The following PDE4D variants were observed in gnomAD, a reference collection of about 807,000 sequenced individuals.
PDE4D encodes phosphodiesterase 4D.
In PDE4D, 24 loss-of-function variants were observed where a neutral mutation model predicts 87.4. That is an observed-to-expected ratio of 0.27 (90% CI 0.20 to 0.39). The LOEUF (loss-of-function observed/expected upper bound fraction) is 0.39. Among genes scored for constraint, PDE4D ranks in the 10% least tolerant of loss-of-function variants. The pLI is 1.00. For missense variants in PDE4D, 714 were observed against 1,041.0 expected (o/e 0.69, Z 4.32); for synonymous variants, 384 against 383.2 (o/e 1.00, Z -0.02).
intron 1 of PDE4D, among the ~76,000 whole-genome samples, chr5:60,434,915 T>TA (rs1343711975): frequency 6.6e-6 from 1 of 152,104 alleles, no homozygotes; most frequent in East Asian, 1.9e-4. Flanking sequence ...AAAAGGGAGT[T>TA]AGAGATTAAC....
chr5:59,680,752 C>A (rs1014625141), intron 1 of PDE4D, among the ~76,000 whole-genome samples: 1 of 151,948 alleles, frequency 6.6e-6, no homozygotes, highest in Non-Finnish European at 1.5e-5. Flanking sequence ...AACCACATTC[C>A]ACAGGTAAGA....
At chr5:59,069,352 G>C (rs1033044049) in intron 5 of PDE4D, among the ~76,000 whole-genome samples, 1 of 152,134 alleles carries the variant, frequency 6.6e-6, no homozygotes, top group African/African-American at 2.4e-5. Context: ...CCATGTGAAA[G>C]CATCTCCAGC....
At chr5:59,820,668 T>C (rs530359786) in intron 1 of PDE4D, among the ~76,000 whole-genome samples, 1 of 152,310 alleles carries the variant, frequency 6.6e-6, no homozygotes, top group East Asian at 1.9e-4. Flanking sequence ...AAAGTCTTAA[T>C]GGGACATTGC....
intron 1 of PDE4D, among the ~76,000 whole-genome samples, chr5:59,698,607 A>AT (rs918026261): frequency 2.0e-4 from 31 of 152,226 alleles, no homozygotes; most frequent in Non-Finnish European, 3.8e-4. Context: ...GCTTAGAGAT[A>AT]TTTTTTCTAT....
intron 1 of PDE4D, among the ~76,000 whole-genome samples, chr5:59,613,846 A>T (rs1231549050): frequency 6.6e-6 from 1 of 152,230 alleles, no homozygotes; most frequent in African/African-American, 2.4e-5. Context: ...AACTTATGAA[A>T]TCTTCAAGAT....
rs969002581 is a variant in PDE4D at position 59,551,081 on chromosome 5, C to T, written c.456-335113G>A. Reference sequence around the variant, plus strand: ...ATCCCACCCTTTTCATTTGCCTTTACGTTTTCTTTATGGTGTTTTTGATGT... The same window carrying T: ...ATCCCACCCTTTTCATTTGCCTTTATGTTTTCTTTATGGTGTTTTTGATGT... On this transcript the variant is annotated intron_variant, in intron 1 of 14. Transcript: ENST00000340635. Among the ~76,000 whole-genome samples the T allele has an allele frequency of 4.6e-5, 7 of 152,110 alleles. 1 individual carries two copies. The highest frequency in any genetic ancestry group is 1.4e-4 in the African/African-American group (6 of 41,538).
At chr5:58,990,013 G>T in intron 9 of PDE4D, 94 bp from the exon 10 acceptor site, 1 of 739,304 alleles carries the variant, frequency 1.4e-6, no homozygotes, top group Non-Finnish European at 2.3e-6. Context: ...CACCAGTGTT[G>T]CCAGTGGATA....
chr5:59,917,614 C>T (rs1292859891), intron 3 of PDE4D, among the ~76,000 whole-genome samples: 1 of 152,166 alleles, frequency 6.6e-6, no homozygotes, highest in African/African-American at 2.4e-5. Context: ...TATTAATACT[C>T]TTCTAACATA....
chr5:59,697,828 G>C (rs1751999409), intron 1 of PDE4D, among the ~76,000 whole-genome samples: 1 of 152,166 alleles, frequency 6.6e-6, no homozygotes, highest in South Asian at 2.1e-4. Context: ...ATATCAGCTA[G>C]AATAACCAAT....
chr5:59,721,923 G>C (rs1269360302), intron 1 of PDE4D, among the ~76,000 whole-genome samples: 1 of 152,090 alleles, frequency 6.6e-6, no homozygotes. Flanking sequence ...GCATCCATGG[G>C]TGCAGCAAGA....
At chr5:60,212,099 T>C (rs80210722) in intron 1 of PDE4D, among the ~76,000 whole-genome samples, 1,578 of 152,322 alleles carry the variant, frequency 0.01, 29 homozygotes, top group African/African-American at 0.036. Flanking sequence ...GCAGCTGTTA[T>C]CATGAATTTT....
chr5:60,043,185 G>T lies in PDE4D; in HGVS notation c.43-54468C>A, dbSNP rs368821188. 2.6e-5 allele frequency among the ~76,000 whole-genome samples: 4 copies of T among 151,606 alleles called. No individual in the cohort carries two copies. In the South Asian group the frequency reaches 6.3e-4, roughly 24 times the overall value. On this transcript the variant is annotated intron_variant, in intron 2 of 16. Coordinates refer to the PDE4D transcript ENST00000502484. ...CAATAGCCAAATTGATCAAGCAGAA[G>T]AAAGGATATCAGAGATTGAAGATCA... is the stretch of plus-strand genomic sequence containing the variant.
rs557922158 is a variant in PDE4D at position 59,995,639 on chromosome 5, C to G, written c.43-6922G>C. Among the ~76,000 whole-genome samples the G allele has an allele frequency of 2.6e-4, 40 of 152,082 alleles. 1 individual carries two copies. The highest frequency in any genetic ancestry group is 8.9e-4 in the African/African-American group (37 of 41,496). Reference sequence around the variant, plus strand: ...CGGCCGCATTTTTCTTTTCAATCTGCCTACTCAAGTTGAAAATATCATCCA... The same window carrying G: ...CGGCCGCATTTTTCTTTTCAATCTGGCTACTCAAGTTGAAAATATCATCCA... On this transcript the variant is annotated intron_variant, in intron 2 of 16. Transcript: ENST00000502484.
At chr5:59,739,056 T>C (rs1469653213) in intron 1 of PDE4D, among the ~76,000 whole-genome samples, 1 of 152,120 alleles carries the variant, frequency 6.6e-6, no homozygotes, top group Non-Finnish European at 1.5e-5. Context: ...TCTATAGTTG[T>C]ATATTAAAAA....
chr5:59,127,508 G>A (rs750231776), intron 5 of PDE4D, among the ~76,000 whole-genome samples: 3 of 151,892 alleles, frequency 2.0e-5, no homozygotes, highest in Non-Finnish European at 4.4e-5. Context: ...GTGCACAGGA[G>A]GGCCGTGAGC....
intron 5 of PDE4D, among the ~76,000 whole-genome samples, chr5:59,149,405 C>G (rs528952383): frequency 6.6e-6 from 1 of 152,238 alleles, no homozygotes; most frequent in African/African-American, 2.4e-5. Flanking sequence ...CATTACAGCA[C>G]ACCACATTGC....
chr5:60,370,017 T>G lies in PDE4D; in HGVS notation c.-90+117925A>C, dbSNP rs189022516. Among the ~76,000 whole-genome samples the G allele has an allele frequency of 5.1e-3, 776 of 152,328 alleles. 3 individuals are homozygous for G. Among genetic ancestry groups the G allele is most frequent in the Middle Eastern group, 0.017 (5 of 294 alleles). On this transcript the variant is annotated intron_variant, in intron 1 of 16. Coordinates refer to the PDE4D transcript ENST00000502484. ...ATTCCTAGCATTAGTTTCATTTTTTTTCAATTAGTGCCTCTGTAAAGTCCT... is the reference window on the plus strand; with the variant it reads ...ATTCCTAGCATTAGTTTCATTTTTTGTCAATTAGTGCCTCTGTAAAGTCCT...
intron 5 of PDE4D, among the ~76,000 whole-genome samples, chr5:59,145,334 T>C (rs953495556): frequency 3.3e-5 from 5 of 152,174 alleles, no homozygotes; most frequent in Non-Finnish European, 7.3e-5. Context: ...TCCGAATCTT[T>C]CATCTTCTTC....
chr5:60,134,868 T>G (rs1779902509), intron 2 of PDE4D, among the ~76,000 whole-genome samples: 1 of 152,190 alleles, frequency 6.6e-6, no homozygotes, highest in Non-Finnish European at 1.5e-5. Context: ...GAGGGCCAAG[T>G]GTACTGAGAA....
Sources: gnomAD v4.1 joint callset for allele counts (sites outside exome capture counted in the v4.1 genomes callset) on GRCh38, gnomAD v4.1.1 for gene constraint, MANE v1.5 for transcripts, NCBI Gene and HGNC (gene_info 2026-07-23, HGNC 2026-07-21) for gene names.